The following RASGRF2 variants were observed in gnomAD, a reference collection of about 807,000 sequenced individuals.
The protein encoded by RASGRF2 is ras-specific guanine nucleotide-releasing factor 2.
In RASGRF2, 76 loss-of-function variants were observed where a neutral mutation model predicts 151.0. The ratio of observed to expected loss-of-function variants is 0.50; its 90% CI spans 0.42 to 0.61. The LOEUF is 0.61. Among genes scored for constraint, RASGRF2 ranks in the 20% least tolerant of loss-of-function variants. RASGRF2 has a pLI of 0.00. For synonymous variants in RASGRF2, 504 were observed against 566.5 expected (o/e 0.89, Z 1.57); for missense variants, 1,148 against 1,564.6 (o/e 0.73, Z 4.49).
chr5:81,108,799 T>C (rs1752913582), intron 12 of RASGRF2, among the ~76,000 whole-genome samples, 197 bp from the exon 13 acceptor site: 1 of 151,606 alleles, frequency 6.6e-6, no homozygotes, highest in Non-Finnish European at 1.5e-5. Flanking sequence ...GTCTGAATAC[T>C]GAATCTGTTC....
intron 17 of RASGRF2, among the ~76,000 whole-genome samples, chr5:81,133,112 G>T (rs1753665913): frequency 6.6e-6 from 1 of 152,006 alleles, no homozygotes; most frequent in Non-Finnish European, 1.5e-5. Flanking sequence ...AGAGTCAGGT[G>T]GTATAATGAA....
chr5:80,972,447 A>T (rs1274355849), intron 1 of RASGRF2, among the ~76,000 whole-genome samples: 1 of 151,420 alleles, frequency 6.6e-6, no homozygotes, highest in Non-Finnish European at 1.5e-5. Flanking sequence ...GAGGTTGAGC[A>T]CCTTTTCAAG....
chr5:81,109,173 G>T (rs1752929284), intron 13 of RASGRF2, 95 bp downstream of exon 13: 1 of 1,460,916 alleles, frequency 6.8e-7, no homozygotes, highest in East Asian at 2.4e-5. Context: ...ATAGAATTCT[G>T]CTTCTTGTTG....
intron 1 of RASGRF2, among the ~76,000 whole-genome samples, chr5:81,036,816 C>T (rs1750514994): frequency 6.6e-6 from 1 of 152,096 alleles, no homozygotes; most frequent in Non-Finnish European, 1.5e-5. Context: ...TTTCCTGACC[C>T]TCTGTATTTC....
rs563435846 is a variant in RASGRF2, at chr5:81,154,122, T to G, written c.2687-26053T>G. Among the ~76,000 whole-genome samples the G allele has an allele frequency of 2.0e-5, 3 of 152,280 alleles. No individual in the cohort carries two copies. In the East Asian group the frequency reaches 5.8e-4, roughly 29 times the overall value. On this transcript the variant is annotated intron_variant, in intron 17 of 26. Coordinates refer to ENST00000265080, the MANE Select transcript of RASGRF2 (RefSeq NM_006909.3). ...TTTCAGCAATAATAATTGTTAACTTTAATACCCCACTCTAAATAATTGATG... is the reference window on the plus strand; with the variant it reads ...TTTCAGCAATAATAATTGTTAACTTGAATACCCCACTCTAAATAATTGATG...
chr5:81,161,517 A>G (rs1754383191), intron 17 of RASGRF2, among the ~76,000 whole-genome samples: 1 of 152,142 alleles, frequency 6.6e-6, no homozygotes. Context: ...GAACGACCTC[A>G]CTGTATGATT....
chr5:81,034,729 C>T (rs1210908326), intron 1 of RASGRF2, among the ~76,000 whole-genome samples: 1 of 145,806 alleles, frequency 6.9e-6, no homozygotes, highest in African/African-American at 2.6e-5. Flanking sequence ...TATTCTCACT[C>T]ATAGGTGGAA....
chr5:81,178,119 C>G (rs1371613004), intron 17 of RASGRF2, among the ~76,000 whole-genome samples: 1 of 152,184 alleles, frequency 6.6e-6, no homozygotes, highest in African/African-American at 2.4e-5. Flanking sequence ...GCAAGAGTGA[C>G]AGTAGAGACC....
intron 26 of RASGRF2, among the ~76,000 whole-genome samples, chr5:81,224,222 A>C (rs1219464936): frequency 6.6e-6 from 1 of 152,356 alleles, no homozygotes; most frequent in South Asian, 2.1e-4. Flanking sequence ...TTCACTAGTA[A>C]AAAGAGAAAA....
chr5:81,221,916 G>T (rs1281868019), intron 26 of RASGRF2, among the ~76,000 whole-genome samples: 2 of 152,170 alleles, frequency 1.3e-5, no homozygotes, highest in Non-Finnish European at 2.9e-5. Context: ...GGCAAAGTTT[G>T]CAGTGAGCCA....
intron 17 of RASGRF2, among the ~76,000 whole-genome samples, chr5:81,142,343 G>A (rs559722593): frequency 1.3e-5 from 2 of 152,240 alleles, no homozygotes; most frequent in South Asian, 4.2e-4. Flanking sequence ...GAAAACAGAA[G>A]GCTAAACATC....
intron 26 of RASGRF2, among the ~76,000 whole-genome samples, chr5:81,224,374 A>G (rs1755926887): frequency 6.6e-6 from 1 of 152,240 alleles, no homozygotes; most frequent in Non-Finnish European, 1.5e-5. Context: ...GTCATTTTCC[A>G]TCATCATTTA....
intron 5 of RASGRF2, among the ~76,000 whole-genome samples, chr5:81,075,994 C>T (rs80133085): frequency 6.6e-6 from 1 of 152,048 alleles, no homozygotes; most frequent in African/African-American, 2.4e-5. Context: ...TTTGAGTTGT[C>T]AATGAAAACC....
Position 81,208,428 on chromosome 5 carries a change from A to G in RASGRF2, c.3146A>G (p.His1049Arg). The change falls in exon 22 of 27, where the codon CAC (histidine) becomes CGC (arginine). Residue 1049 changes from histidine (H) to arginine (R), a missense_variant. By Grantham distance (29) the His-to-Arg change is conservative. Transcript: ENST00000265080. ...RTPYIMKTSQ[H>R]FNDMSNLVAS... ...CCTTACATTATGAAAACCAGCCAAC[A>G]CTTCAATGACGTGAGTAACCGTAAC... is the stretch of plus-strand genomic sequence containing the variant. The G allele has an allele frequency of 6.2e-7, 1 of 1,612,406 alleles. No homozygotes were observed. Among genetic ancestry groups the G allele is most frequent in the South Asian group, 1.1e-5 (1 of 91,024 alleles).
chr5:80,999,312 C>A (rs1045511146), intron 1 of RASGRF2, among the ~76,000 whole-genome samples: 1 of 152,144 alleles, frequency 6.6e-6, no homozygotes, highest in African/African-American at 2.4e-5. Context: ...CCAGAGCCAC[C>A]TCTCTCCTTA....
intron 15 of RASGRF2, among the ~76,000 whole-genome samples, chr5:81,118,789 A>G (rs938819732): frequency 6.6e-6 from 1 of 152,180 alleles, no homozygotes; most frequent in African/African-American, 2.4e-5. Flanking sequence ...TATTTTGCTT[A>G]TAAATTTCTT....
At chr5:81,009,186 C>T (rs918856018) in intron 1 of RASGRF2, among the ~76,000 whole-genome samples, 9 of 152,066 alleles carry the variant, frequency 5.9e-5, no homozygotes, top group African/African-American at 1.7e-4. Context: ...GACGAGAACT[C>T]GATGAGAAAA....
intron 1 of RASGRF2, among the ~76,000 whole-genome samples, chr5:81,004,693 G>C (rs1226803029): frequency 6.6e-6 from 1 of 152,226 alleles, no homozygotes; most frequent in East Asian, 1.9e-4. Flanking sequence ...AGCAATTTAA[G>C]GTGGTCATTC....
At chr5:80,995,399 T>TATATATATATATATATATATATATAC (rs1165966102) in intron 1 of RASGRF2, among the ~76,000 whole-genome samples, 12 of 119,764 alleles carry the variant, frequency 1.0e-4, no homozygotes, top group African/African-American at 3.9e-4. Context: ...TATATATATA[T>TATATATATATATATATATATATATAC]ACACACACAC....
Sources: allele counts gnomAD v4.1 joint callset (sites outside exome capture counted in the v4.1 genomes callset), GRCh38; gene constraint gnomAD v4.1.1; transcripts MANE v1.5; gene names NCBI Gene and HGNC (gene_info 2026-07-23, HGNC 2026-07-21).